The following TCP1 variants were observed in gnomAD, a reference collection of about 807,000 sequenced individuals.
TCP1 encodes t-complex 1.
TCP1 carries 6 observed loss-of-function variants against 54.7 expected under a neutral mutation model. The observed-to-expected ratio is 0.11, with a 90% CI of 0.06 to 0.22. TCP1 has a LOEUF of 0.22. Ranked by LOEUF, TCP1 falls within the 10% of genes least tolerant of loss-of-function variation. The pLI is 1.00. For synonymous variants in TCP1, 225 were observed against 229.7 expected, an observed-to-expected ratio of 0.98 and a Z score of 0.19; for missense variants, 511 against 678.2, an observed-to-expected ratio of 0.75 and a Z score of 2.74.
At chr6:159,785,779 TG>T in intron 4 of TCP1, 120 bp downstream of exon 4, 1 of 890,742 alleles carries the variant, frequency 1.1e-6, no homozygotes, top group East Asian at 2.4e-5. Context: ...ACTACTTAAA[TG>T]CTAAAACATT....
Position 159,778,581 on chromosome 6 carries a change from A to C in TCP1, c.*464T>G. 1 of 1,490,570 alleles carries C rather than the reference A, an allele frequency of 6.7e-7. No individual in the cohort carries two copies. The highest frequency in any genetic ancestry group is 9.2e-7 in the Non-Finnish European group (1 of 1,088,010). The allele number at this position is 1,490,570 out of a possible 1,614,324, so 92.3% of individuals were successfully genotyped here. ...GAAAGGGTAGCATGCTGATACATTAAGAGGAAAAAGACAAGTTTAAGATTT... is the reference window on the plus strand; with the variant it reads ...GAAAGGGTAGCATGCTGATACATTACGAGGAAAAAGACAAGTTTAAGATTT... On this transcript the variant is annotated 3_prime_UTR_variant, in exon 12 of 12. Coordinates refer to ENST00000321394, the MANE Select transcript of TCP1 (RefSeq NM_030752.3).
At chr6:159,787,896 T>C (rs1282624662) in intron 2 of TCP1, 25 bp from the exon 3 acceptor site, 4 of 1,613,108 alleles carry the variant, frequency 2.5e-6, no homozygotes, top group Non-Finnish European at 1.7e-6. Flanking sequence ...GGAAAAAATA[T>C]GAACCACTTA....
At chr6:159,788,885 ACT>A (rs1367313360) in intron 1 of TCP1, 1 of 154,046 alleles carries the variant, frequency 6.5e-6, no homozygotes, top group African/African-American at 2.4e-5. Flanking sequence ...TCCTGGGCTA[ACT>A]CTACTGTAAG....
At chr6:159,783,265 T>C (rs1193569572) in intron 7 of TCP1, among the ~76,000 whole-genome samples, 1 of 152,130 alleles carries the variant, frequency 6.6e-6, no homozygotes, top group African/African-American at 2.4e-5. Context: ...AAGGACACTT[T>C]GTTGTATGAG....
rs777783050 is a variant in TCP1 at position 159,778,873 on chromosome 6, A to G, written c.*172T>C. 11 of 1,612,416 alleles carry G rather than the reference A, an allele frequency of 6.8e-6. No homozygotes were observed. In the African/African-American group the frequency reaches 1.1e-4, roughly 16 times the overall value. ...AACCTCAATTTCTTTTTAAACTAAT[A>G]AAGTACTAGGTTGCAATATGTGAAA... is the stretch of plus-strand genomic sequence containing the variant. On this transcript the variant is annotated 3_prime_UTR_variant, in exon 12 of 12. Transcript: ENST00000321394.
chr6:159,785,148 C>T (rs1441361241), intron 5 of TCP1: 3 of 601,830 alleles, frequency 5.0e-6, no homozygotes, highest in Non-Finnish European at 8.8e-6. Flanking sequence ...AATTTTATTG[C>T]ACAAAATTGA....
chr6:159,785,370 A>G lies in TCP1; in HGVS notation c.488+16T>C. ...CTTTAAAAAGTCTAAATTTTATCTGACAACCACAAGGATACATTCCAATGA... is the reference window on the plus strand; with the variant it reads ...CTTTAAAAAGTCTAAATTTTATCTGGCAACCACAAGGATACATTCCAATGA... On this transcript the variant is annotated intron_variant, in intron 5 of 11. Coordinates refer to ENST00000321394, the MANE Select transcript of TCP1 (RefSeq NM_030752.3). 1 of 1,592,148 alleles carries G rather than the reference A, an allele frequency of 6.3e-7. No individual in the cohort carries two copies. Among genetic ancestry groups the G allele is most frequent in the East Asian group, 2.2e-5 (1 of 44,802 alleles).
intron 7 of TCP1, among the ~76,000 whole-genome samples, chr6:159,781,582 G>T (rs1780577062): frequency 6.6e-6 from 1 of 152,164 alleles, no homozygotes; most frequent in Non-Finnish European, 1.5e-5. Flanking sequence ...AGACCAACCT[G>T]GCCAACACGG....
rs375969801 is a variant in TCP1, at chr6:159,778,809, A to T, written c.*236T>A. ...CATTGGGGGTGGGATGGGAATAGCA[A>T]TGTGTGTTCAGAGAGAATGAATTGC... On this transcript the variant is annotated 3_prime_UTR_variant, in exon 12 of 12. Coordinates refer to ENST00000321394, the MANE Select transcript of TCP1 (RefSeq NM_030752.3). 9 of 1,614,214 alleles carry T rather than the reference A, an allele frequency of 5.6e-6. No homozygotes were observed. The African/African-American group carries it at 1.2e-4, about 22-fold the overall frequency.
At chr6:159,788,295 A>G (rs1297829374) in intron 1 of TCP1, 152 bp from the exon 2 acceptor site, 2 of 682,336 alleles carry the variant, frequency 2.9e-6, no homozygotes, top group Non-Finnish European at 4.9e-6. Flanking sequence ...CCACCTACTA[A>G]GAGTGTAAAT....
chr6:159,780,334 T>G (rs1469679584), intron 9 of TCP1, 109 bp downstream of exon 9: 1 of 1,531,600 alleles, frequency 6.5e-7, no homozygotes, highest in Non-Finnish European at 9.0e-7. Flanking sequence ...CCCATGCGTA[T>G]AACTGCTCGT....
At position 159,785,437 on chromosome 6, in the gene TCP1, T is replaced by C. The variant is rs1231572758; in HGVS notation, c.437A>G (p.Asp146Gly). Residue 146 changes from aspartate (D) to glycine (G), a missense_variant, in exon 5 of 12, where the codon GAT becomes GGT. Transcript: ENST00000321394. Reference protein sequence around the residue: ...LIVNTDELGRDCLINAAKTSM... With the variant: ...LIVNTDELGRGCLINAAKTSM... The stretch of plus-strand genomic sequence containing the variant: ...TGTCTTAGCAGCATTAATCAGGCAA[T>C]CTCTTCCCAGTTCATCTGTGTTAAC... The C allele has an allele frequency of 6.2e-7, 1 of 1,613,602 alleles. No homozygotes were observed. The highest frequency in any genetic ancestry group is 8.5e-7 in the Non-Finnish European group (1 of 1,180,010).
chr6:159,780,440 T>C lies in TCP1; in HGVS notation c.1097+3A>G, dbSNP rs758467824. The stretch of plus-strand genomic sequence containing the variant: ...CTTTACAATTTTAGAAAGTGGCTCT[T>C]ACTTTTTGATTAAGATCAGCTCATC... On this transcript the variant is annotated splice_donor_region_variant and intron_variant, in intron 9 of 11. Transcript: ENST00000321394. 3.7e-6 allele frequency: 6 copies of C among 1,613,574 alleles called. No individual in the cohort carries two copies. Among genetic ancestry groups the C allele is most frequent in the Non-Finnish European group, 4.2e-6 (5 of 1,179,782 alleles).
intron 6 of TCP1, 119 bp downstream of exon 6, chr6:159,784,547 A>C (rs1780649485): frequency 9.6e-7 from 1 of 1,045,654 alleles, no homozygotes. Context: ...CTCGTGATCC[A>C]CCTGACTCAG....
In TCP1 at chr6:159,778,603, A is replaced by T; in HGVS notation, c.*442T>A. ...TTAAGAGGAAAAAGACAAGTTTAAG[A>T]TTTTAAACTGTGTCCACAGAAGAAT... On this transcript the variant is annotated 3_prime_UTR_variant, in exon 12 of 12. Coordinates refer to ENST00000321394, the MANE Select transcript of TCP1 (RefSeq NM_030752.3). 6.3e-7 allele frequency: 1 copy of T among 1,579,838 alleles called. No individual in the cohort carries two copies. Among genetic ancestry groups the T allele is most frequent in the Admixed American group, 1.7e-5 (1 of 57,380 alleles).
intron 4 of TCP1, 160 bp downstream of exon 4, chr6:159,785,740 A>G (rs1347306641): frequency 2.5e-6 from 2 of 796,288 alleles, no homozygotes; most frequent in Non-Finnish European, 4.4e-6. Flanking sequence ...GAAAAAAGAT[A>G]CTGGTCCAAG....
rs1388059109 is a variant in TCP1 at position 159,778,513 on chromosome 6, G to T, written c.*532C>A. The T allele has an allele frequency of 1.2e-5, 11 of 914,158 alleles. No individual in the cohort carries two copies. The highest frequency in any genetic ancestry group is 1.8e-5 in the Non-Finnish European group (11 of 623,140). 56.6% of individuals were successfully genotyped at this position (914,158 alleles called of 1,614,324 possible). A position where few individuals can be genotyped will look rare whatever the true frequency, so the allele number is the denominator to read the frequency against. On this transcript the variant is annotated 3_prime_UTR_variant, in exon 12 of 12. Transcript: ENST00000321394. ...TAGGCAGGGATGAATTTTCACAAAG[G>T]TGTAAATTTATTCCTAAGCAGTTAA...
chr6:159,784,051 G>A lies in TCP1; in HGVS notation c.687C>T (p.Ile229=), dbSNP rs765742160. 12 of 1,613,358 alleles carry A rather than the reference G, an allele frequency of 7.4e-6. No individual in the cohort carries two copies. Among genetic ancestry groups the A allele is most frequent in the East Asian group, 4.5e-5 (2 of 44,854 alleles). Residue 229 remains isoleucine, a synonymous_variant, in exon 7 of 12, where the codon ATC becomes ATT. Coordinates refer to ENST00000321394, the MANE Select transcript of TCP1 (RefSeq NM_030752.3). ...VVGSQGMPKR[I]VNAKIACLDF... is the part of the protein sequence containing the mutation. ...CAAGGCAAGCAATTTTTGCATTTAC[G>A]ATTCTCTTGGGCATGCCTACAATTG... is the stretch of plus-strand genomic sequence containing the variant.
rs753540187 is a variant in TCP1 at position 159,784,854 on chromosome 6, CAA to C, written c.489-9_489-8del. 1.9e-6 allele frequency: 3 copies of C among 1,613,944 alleles called. No homozygotes were observed. The highest frequency in any genetic ancestry group is 2.7e-5 in the African/African-American group (2 of 74,876). Reference sequence around the variant, plus strand: ...AGCAAAGAAATCACCATTTCTACGCCAAAAGTTAAGGACAGTAACAGGTTTGG... The same window carrying C: ...AGCAAAGAAATCACCATTTCTACGCCAAGTTAAGGACAGTAACAGGTTTGG... On this transcript the variant is annotated splice_polypyrimidine_tract_variant and splice_region_variant and intron_variant, in intron 5 of 11. Coordinates refer to ENST00000321394, the MANE Select transcript of TCP1 (RefSeq NM_030752.3).
Sources: gnomAD v4.1 joint callset for allele counts (sites outside exome capture counted in the v4.1 genomes callset) on GRCh38, gnomAD v4.1.1 for gene constraint, MANE v1.5 for transcripts, NCBI Gene and HGNC (gene_info 2026-07-23, HGNC 2026-07-21) for gene names.